Variants in PAPSS1 observed in about 807,000 individuals in gnomAD.
PAPSS1 encodes the protein 3'-phosphoadenosine 5'-phosphosulfate synthase 1, also known as bifunctional 3'-phosphoadenosine 5'-phosphosulfate synthase 1.
PAPSS1 carries 50 observed loss-of-function variants against 72.0 expected under a neutral mutation model. The observed-to-expected ratio is 0.69, with a 90% confidence interval of 0.55 to 0.88. PAPSS1 has a LOEUF of 0.88. Among genes scored for constraint, PAPSS1 ranks in the 40% least tolerant of loss-of-function variants. The pLI, the probability that PAPSS1 is intolerant of heterozygous loss-of-function variation, is 0.00. For synonymous variants in PAPSS1, 261 were observed against 263.6 expected, an observed-to-expected ratio of 0.99 and a Z score of 0.09; for missense variants, 657 against 782.2, an observed-to-expected ratio of 0.84 and a Z score of 1.91.
chr4:107,677,874 A>G (rs1180687872), intron 5 of PAPSS1, among the ~76,000 whole-genome samples: 1 of 152,240 alleles, frequency 6.6e-6, no homozygotes, highest in East Asian at 1.9e-4. Context: ...TGATGAGTTC[A>G]TGTCCTTTGT....
At chr4:107,719,746 A>C (rs1723728843) in intron 1 of PAPSS1, 1 of 1,008,314 alleles carries the variant, frequency 9.9e-7, no homozygotes. Context: ...ACTCCAAGGT[A>C]TGCAGGAAGC....
At chr4:107,684,108 G>C (rs1034656199) in intron 4 of PAPSS1, among the ~76,000 whole-genome samples, 2 of 152,156 alleles carry the variant, frequency 1.3e-5, no homozygotes, top group Admixed American at 1.3e-4. Context: ...CCCAGTTATA[G>C]AGTACAAACT....
chr4:107,706,268 A>C (rs1169240125), intron 1 of PAPSS1, among the ~76,000 whole-genome samples: 2 of 152,174 alleles, frequency 1.3e-5, no homozygotes, highest in East Asian at 1.9e-4. Flanking sequence ...CTATACCTCA[A>C]TTTTTGTACT....
At chr4:107,634,129 C>T (rs1726297559) in intron 10 of PAPSS1, among the ~76,000 whole-genome samples, 1 of 152,006 alleles carries the variant, frequency 6.6e-6, no homozygotes, top group African/African-American at 2.4e-5. Flanking sequence ...GCAATCCTCC[C>T]ATCTCAGCCT....
At chr4:107,675,802 C>T (rs1727626581) in intron 5 of PAPSS1, among the ~76,000 whole-genome samples, 1 of 152,060 alleles carries the variant, frequency 6.6e-6, no homozygotes, top group Non-Finnish European at 1.5e-5. Context: ...ACTGGCAAAC[C>T]GAATCCAGCA....
chr4:107,709,340 C>T (rs946712654), intron 1 of PAPSS1, among the ~76,000 whole-genome samples: 1 of 152,212 alleles, frequency 6.6e-6, no homozygotes, highest in African/African-American at 2.4e-5. Context: ...ATCTAACCAA[C>T]CTCCATCTTG....
chr4:107,676,231 A>G (rs1727646025), intron 5 of PAPSS1, among the ~76,000 whole-genome samples: 1 of 152,202 alleles, frequency 6.6e-6, no homozygotes, highest in Non-Finnish European at 1.5e-5. Flanking sequence ...TTAGGAAAAG[A>G]GGAAGTCAAA....
chr4:107,697,882 G>T (rs539342629), intron 2 of PAPSS1, among the ~76,000 whole-genome samples: 47 of 152,186 alleles, frequency 3.1e-4, no homozygotes, highest in African/African-American at 1.1e-3. Context: ...TGATCCAACA[G>T]CTGGTGTTCT....
chr4:107,628,334 T>C (rs1578383600), intron 11 of PAPSS1, among the ~76,000 whole-genome samples: 1 of 152,216 alleles, frequency 6.6e-6, no homozygotes, highest in Non-Finnish European at 1.5e-5. Context: ...ATAAATCAAA[T>C]GACAACAAAC....
At chr4:107,652,742 G>T (rs574591637) in intron 9 of PAPSS1, among the ~76,000 whole-genome samples, 1 of 152,310 alleles carries the variant, frequency 6.6e-6, no homozygotes, top group South Asian at 2.1e-4. Context: ...ATTTGGTGAT[G>T]TTAGGCTTAA....
chr4:107,710,521 C>T (rs1208672519), intron 1 of PAPSS1, among the ~76,000 whole-genome samples: 2 of 48,980 alleles, frequency 4.1e-5, no homozygotes, highest in Non-Finnish European at 2.3e-4. Flanking sequence ...TGCTGGGGTC[C>T]GAAGGGAGTA....
intron 11 of PAPSS1, among the ~76,000 whole-genome samples, chr4:107,621,606 A>ATTTTTTTTT (rs1382723816): frequency 3.8e-4 from 19 of 50,502 alleles, no homozygotes; most frequent in African/African-American, 9.2e-4. Context: ...CAGGTTTTTT[A>ATTTTTTTTT]TCTTTTTTTT....
intron 9 of PAPSS1, among the ~76,000 whole-genome samples, chr4:107,647,552 G>A (rs1240243228): frequency 2.0e-5 from 3 of 152,018 alleles, no homozygotes; most frequent in Non-Finnish European, 2.9e-5. Context: ...GCCTCTCTAT[G>A]CTTTTTTTTA....
Position 107,687,180 on chromosome 4 carries a change from T to A in PAPSS1, c.412-3A>T. 2 of 1,489,578 alleles carry A rather than the reference T, an allele frequency of 1.3e-6. No homozygotes were observed. The highest frequency in any genetic ancestry group is 1.3e-5 in the South Asian group (1 of 75,064). The allele number at this position is 1,489,578 out of a possible 1,614,324, so 92.3% of individuals were successfully genotyped here. A position where few individuals can be genotyped will look rare whatever the true frequency, so the allele number is the denominator to read the frequency against. On this transcript the variant is annotated splice_polypyrimidine_tract_variant and splice_region_variant and intron_variant, in intron 3 of 11. Coordinates refer to ENST00000265174, the MANE Select transcript of PAPSS1 (RefSeq NM_005443.5). ...ATTTGCCTTGCATTGTTGCGATCCT[T>A]AAAAAAAAATAAAATAAAAAGTGAT...
intron 1 of PAPSS1, among the ~76,000 whole-genome samples, chr4:107,705,963 A>G (rs568963330): frequency 2.5e-4 from 38 of 152,282 alleles, no homozygotes; most frequent in Non-Finnish European, 4.7e-4. Flanking sequence ...TTTTTCCTTC[A>G]ACACTTTGAA....
At chr4:107,652,770 G>T (rs560431422) in intron 9 of PAPSS1, among the ~76,000 whole-genome samples, 3 of 152,148 alleles carry the variant, frequency 2.0e-5, no homozygotes, top group African/African-American at 7.2e-5. Flanking sequence ...ATTCTTCCTT[G>T]TTAAGTTTCT....
At chr4:107,643,787 G>C (rs1726622125) in intron 10 of PAPSS1, among the ~76,000 whole-genome samples, 1 of 152,116 alleles carries the variant, frequency 6.6e-6, no homozygotes, top group Non-Finnish European at 1.5e-5. Context: ...TCATTTACTT[G>C]CATCTATGAA....
intron 4 of PAPSS1, among the ~76,000 whole-genome samples, chr4:107,685,008 C>T (rs1025681976): frequency 3.3e-5 from 5 of 152,166 alleles, no homozygotes; most frequent in Non-Finnish European, 5.9e-5. Context: ...TGTGTTCACG[C>T]CATTCTCCTG....
intron 5 of PAPSS1, among the ~76,000 whole-genome samples, chr4:107,662,383 G>C (rs1727203336): frequency 6.6e-6 from 1 of 152,166 alleles, no homozygotes; most frequent in South Asian, 2.1e-4. Context: ...GTTTACTGAG[G>C]GTAAATAATA....
Sources: allele counts gnomAD v4.1 joint callset (sites outside exome capture counted in the v4.1 genomes callset), GRCh38; gene constraint gnomAD v4.1.1; transcripts MANE v1.5; gene names NCBI Gene and HGNC (gene_info 2026-07-23, HGNC 2026-07-21).